PCDHA13: variants seen among roughly 807,000 people sequenced by gnomAD.
PCDHA13 encodes protocadherin alpha-13.
A neutral mutation model predicts 64.8 loss-of-function variants in PCDHA13; 54 were observed. The observed-to-expected ratio is 0.83, with a 90% CI of 0.67 to 1.04. The LOEUF (loss-of-function observed/expected upper bound fraction) is 1.04, where lower values mean the gene tolerates loss of function less well. Ranked by LOEUF, PCDHA13 falls within the 50% of genes least tolerant of loss-of-function variation. The pLI, the probability that PCDHA13 is intolerant of heterozygous loss-of-function variation, is 0.00. For synonymous variants in PCDHA13, 587 were observed against 564.4 expected (o/e 1.04, Z -0.57); for missense variants, 1,248 against 1,254.3 (o/e 0.99, Z 0.08).
chr5:140,935,835 A>G (rs1405712064), intron 1 of PCDHA13, among the ~76,000 whole-genome samples: 3 of 151,830 alleles, frequency 2.0e-5, no homozygotes, highest in Admixed American at 6.6e-5. Flanking sequence ...CACATATTCC[A>G]TACTGCTTAA....
intron 1 of PCDHA13, among the ~76,000 whole-genome samples, chr5:140,972,288 C>T (rs1263314074): frequency 2.0e-5 from 3 of 150,942 alleles, no homozygotes; most frequent in African/African-American, 4.9e-5. Context: ...CATAGATGTG[C>T]GCCACCGTGT....
Position 140,883,761 on chromosome 5 carries a change from G to C in PCDHA13, c.1493G>C (p.Arg498Pro). The change falls in exon 1 of 4, where the codon CGG becomes CCG. Residue 498 changes from arginine to proline, a missense_variant. By Grantham distance (103) the Arg-to-Pro change is moderately radical. Transcript: ENST00000289272. ...GTCTCCTACTCGCTGGTGGAGCGGC[G>C]GGTGGGCGAGCGTGCGCTGTCGAGC... ...ALVSYSLVERRVGERALSSYV... is the reference protein window; with the variant it reads ...ALVSYSLVERPVGERALSSYV... 1 of 1,612,908 alleles carries C rather than the reference G, an allele frequency of 6.2e-7. No individual in the cohort carries two copies. Among genetic ancestry groups the C allele is most frequent in the Non-Finnish European group, 8.5e-7 (1 of 1,179,760 alleles).
chr5:140,943,804 G>C (rs996208541), intron 1 of PCDHA13, among the ~76,000 whole-genome samples: 2 of 152,224 alleles, frequency 1.3e-5, no homozygotes, highest in Non-Finnish European at 2.9e-5. Flanking sequence ...AGCAAAAGAG[G>C]AAAGTTTGAA....
At chr5:140,906,278 C>A (rs546102354) in intron 1 of PCDHA13, among the ~76,000 whole-genome samples, 1 of 152,152 alleles carries the variant, frequency 6.6e-6, no homozygotes, top group Admixed American at 6.6e-5. Flanking sequence ...AGATAATCTT[C>A]AAATTAAGAC....
At chr5:140,918,510 A>G (rs1224635164) in intron 1 of PCDHA13, among the ~76,000 whole-genome samples, 1 of 152,144 alleles carries the variant, frequency 6.6e-6, no homozygotes, top group Non-Finnish European at 1.5e-5. Flanking sequence ...ATCCTTTTAA[A>G]CTTATTGAGG....
intron 3 of PCDHA13, among the ~76,000 whole-genome samples, chr5:140,999,427 G>A (rs1405186577): frequency 6.6e-6 from 1 of 152,172 alleles, no homozygotes; most frequent in Non-Finnish European, 1.5e-5. Flanking sequence ...AAGAGGCCAA[G>A]TACCTTGCCT....
chr5:140,936,981 T>C (rs2153630854), intron 1 of PCDHA13, among the ~76,000 whole-genome samples: 1 of 152,330 alleles, frequency 6.6e-6, no homozygotes, highest in South Asian at 2.1e-4. Flanking sequence ...ATGAAGCTTG[T>C]TAACATTGAC....
intron 1 of PCDHA13, among the ~76,000 whole-genome samples, chr5:140,963,621 T>C (rs1428734637): frequency 2.6e-5 from 4 of 152,334 alleles, no homozygotes; most frequent in African/African-American, 9.6e-5. Flanking sequence ...AGCTTAACTT[T>C]GTTGCATACG....
intron 3 of PCDHA13, among the ~76,000 whole-genome samples, chr5:141,006,559 T>C (rs2098278096): frequency 6.6e-6 from 1 of 152,134 alleles, no homozygotes; most frequent in East Asian, 1.9e-4. Flanking sequence ...TAAAGATGAC[T>C]CTGGCTACTG....
intron 3 of PCDHA13, among the ~76,000 whole-genome samples, chr5:140,984,667 T>A (rs1554246463): frequency 6.6e-6 from 1 of 152,160 alleles, no homozygotes; most frequent in Non-Finnish European, 1.5e-5. Flanking sequence ...TACTTTTAGG[T>A]TTTTAGGACT....
At chr5:140,958,484 G>A (rs246009) in intron 1 of PCDHA13, among the ~76,000 whole-genome samples, 85,541 of 151,786 alleles carry the variant, frequency 0.56, 24,705 homozygotes, top group African/African-American at 0.69. Flanking sequence ...AGAGCACTAA[G>A]TCCACATATC....
chr5:140,951,933 A>T (rs2094659165), intron 1 of PCDHA13, among the ~76,000 whole-genome samples: 1 of 152,164 alleles, frequency 6.6e-6, no homozygotes, highest in African/African-American at 2.4e-5. Context: ...TACTCCCAAG[A>T]TACAGTGCGG....
At chr5:140,967,435 C>T (rs949116832) in intron 1 of PCDHA13, 1 of 1,613,532 alleles carries the variant, frequency 6.2e-7, no homozygotes, top group Non-Finnish European at 8.5e-7. Flanking sequence ...CAGCCTTGCA[C>T]CACCTGGTTC....
At chr5:140,998,968 T>A (rs2097841777) in intron 3 of PCDHA13, among the ~76,000 whole-genome samples, 1 of 152,238 alleles carries the variant, frequency 6.6e-6, no homozygotes, top group Non-Finnish European at 1.5e-5. Context: ...TCAAATAGTA[T>A]CCTAGAAAAT....
chr5:140,941,619 C>T (rs1300512502), intron 1 of PCDHA13, among the ~76,000 whole-genome samples: 1 of 151,848 alleles, frequency 6.6e-6, no homozygotes, highest in African/African-American at 2.4e-5. Flanking sequence ...CCAGCCCATC[C>T]TGCTTCTTAA....
At chr5:140,977,955 C>T (rs1280190913) in intron 1 of PCDHA13, among the ~76,000 whole-genome samples, 1 of 152,170 alleles carries the variant, frequency 6.6e-6, no homozygotes, top group African/African-American at 2.4e-5. Context: ...GACAGGGCCA[C>T]CTCAATCTCC....
At position 140,929,035 on chromosome 5, in the gene PCDHA13, G is replaced by T. The variant is rs6877058; in HGVS notation, c.2394+44373G>T. 2.5e-3 allele frequency: 4,027 copies of T among 1,614,128 alleles called. 64 individuals are homozygous for T. In the African/African-American group the frequency reaches 0.039, roughly 15 times the overall value. On this transcript the variant is annotated intron_variant, in intron 1 of 3. Coordinates refer to ENST00000289272, the MANE Select transcript of PCDHA13 (RefSeq NM_018904.3). The stretch of plus-strand genomic sequence containing the variant: ...GTTGCACCAGAGCCCAGGCTGTTGC[G>T]CTCAGAGCTGCTGTCGCTCTACAGA...
chr5:140,882,731 G>C lies in PCDHA13; in HGVS notation c.463G>C (p.Asp155His). Residue 155 changes from aspartate (D) to histidine (H), a missense_variant, in exon 1 of 4, where the codon GAT (aspartate) becomes CAT (histidine). Coordinates refer to ENST00000289272, the MANE Select transcript of PCDHA13 (RefSeq NM_018904.3). ...SRPPETRFPLDGASDADIGVN... is the reference protein window; with the variant it reads ...SRPPETRFPLHGASDADIGVN... ...ACCTCCGGAAACTCGATTTCCACTA[G>C]ATGGCGCATCCGATGCAGATATTGG... 1 of 1,614,232 alleles carries C rather than the reference G, an allele frequency of 6.2e-7. No individual in the cohort carries two copies. The highest frequency in any genetic ancestry group is 8.5e-7 in the Non-Finnish European group (1 of 1,180,052).
chr5:140,993,661 A>G (rs902592339), intron 3 of PCDHA13, among the ~76,000 whole-genome samples: 1 of 152,182 alleles, frequency 6.6e-6, no homozygotes, highest in African/African-American at 2.4e-5. Flanking sequence ...TTGGTTAACA[A>G]TGGACCACAT....
Sources: gnomAD v4.1 joint callset for allele counts (sites outside exome capture counted in the v4.1 genomes callset) on GRCh38, gnomAD v4.1.1 for gene constraint, MANE v1.5 for transcripts, NCBI Gene and HGNC (gene_info 2026-07-23, HGNC 2026-07-21) for gene names.